The following INSYN2B variants were observed in gnomAD, a reference collection of about 807,000 sequenced individuals.
INSYN2B encodes the protein protein INSYN2B.
In INSYN2B, 16 loss-of-function variants were observed where a neutral mutation model predicts 41.2. The observed-to-expected ratio is 0.39, with a 90% CI of 0.26 to 0.59. The LOEUF (loss-of-function observed/expected upper bound fraction) is 0.59, where lower values mean the gene tolerates loss of function less well. INSYN2B is among the 20% of genes least tolerant of loss of function. The probability of loss-of-function intolerance (pLI) is 0.57; values close to 1 mark genes in which losing one functional copy is unlikely to be tolerated. For missense variants in INSYN2B, 608 were observed against 646.4 expected, an observed-to-expected ratio of 0.94 and a Z score of 0.64; for synonymous variants, 245 against 244.4, an observed-to-expected ratio of 1.00 and a Z score of -0.02.
At chr5:169,907,997 T>C (rs1032038654) in intron 1 of INSYN2B, among the ~76,000 whole-genome samples, 1 of 152,228 alleles carries the variant, frequency 6.6e-6, no homozygotes, top group Non-Finnish European at 1.5e-5. Flanking sequence ...TGAAGTGTTG[T>C]CTTTATCTCC....
chr5:169,921,394 G>A (rs992608349), intron 1 of INSYN2B, among the ~76,000 whole-genome samples: 36 of 152,256 alleles, frequency 2.4e-4, no homozygotes, highest in Non-Finnish European at 4.4e-4. Flanking sequence ...CAGAAAAATC[G>A]ATGAGTCTAG....
At chr5:169,912,189 T>A (rs403813) in intron 1 of INSYN2B, among the ~76,000 whole-genome samples, 3 of 152,188 alleles carry the variant, frequency 2.0e-5, no homozygotes, top group Non-Finnish European at 4.4e-5. Flanking sequence ...TTTTGTTTTG[T>A]CTTTCAGTTA....
At position 169,897,812 on chromosome 5, in the gene INSYN2B, AT is replaced by A. The variant is rs551157854; in HGVS notation, c.-918-12997del. Among the ~76,000 whole-genome samples the A allele has an allele frequency of 2.4e-3, 362 of 152,340 alleles. 1 individual carries two copies. The highest frequency in any genetic ancestry group is 8.5e-3 in the African/African-American group (354 of 41,586). On this transcript the variant is annotated intron_variant, in intron 1 of 3. Transcript: ENST00000377365. ...TAGAGAGCAAAGAGATGATTCCTTC[AT>A]CCCAGGATACTTTAATTTTCTCCAG...
intron 1 of INSYN2B, among the ~76,000 whole-genome samples, chr5:169,938,860 T>C (rs1338281290): frequency 6.6e-6 from 1 of 152,204 alleles, no homozygotes; most frequent in Non-Finnish European, 1.5e-5. Flanking sequence ...AAATATTTTC[T>C]TTCTTCATAT....
intron 1 of INSYN2B, among the ~76,000 whole-genome samples, chr5:169,904,091 CAAA>C (rs57983281): frequency 7.1e-5 from 5 of 70,386 alleles, no homozygotes; most frequent in Admixed American, 1.7e-4. Context: ...GACTTCGTCT[CAAA>C]AAAAAAAAAA....
chr5:169,895,344 G>C (rs915267965), intron 1 of INSYN2B, among the ~76,000 whole-genome samples: 1 of 151,998 alleles, frequency 6.6e-6, no homozygotes, highest in African/African-American at 2.4e-5. Flanking sequence ...ATGGTAGAGA[G>C]AACCACCCAG....
intron 1 of INSYN2B, among the ~76,000 whole-genome samples, chr5:169,898,513 G>GCA (rs374367406): frequency 5.5e-4 from 83 of 150,910 alleles, no homozygotes; most frequent in Non-Finnish European, 2.8e-4. Context: ...TCCTCTACAT[G>GCA]CACACACACA....
chr5:169,870,890 A>C (rs1771923228), intron 3 of INSYN2B, among the ~76,000 whole-genome samples: 1 of 144,050 alleles, frequency 6.9e-6, no homozygotes, highest in Admixed American at 7.3e-5. Flanking sequence ...AATACTACAG[A>C]CTGGGTGGCT....
At chr5:169,934,819 T>C in intron 1 of INSYN2B, 1 of 432,190 alleles carries the variant, frequency 2.3e-6, no homozygotes, top group Non-Finnish European at 4.7e-6. Flanking sequence ...GATAAATTGA[T>C]TGTAGTGTCA....
At chr5:169,930,654 G>A (rs1340615762) in intron 1 of INSYN2B, among the ~76,000 whole-genome samples, 1 of 152,194 alleles carries the variant, frequency 6.6e-6, no homozygotes, top group Admixed American at 6.5e-5. Context: ...GGCTGACAGG[G>A]AGCAATTAAG....
chr5:169,865,479 G>GA (rs1771488500), intron 3 of INSYN2B, among the ~76,000 whole-genome samples: 1 of 152,186 alleles, frequency 6.6e-6, no homozygotes, highest in African/African-American at 2.4e-5. Context: ...AGCCGGGGCA[G>GA]AAAAAACGAA....
intron 1 of INSYN2B, among the ~76,000 whole-genome samples, chr5:169,979,243 G>T (rs987661657): frequency 6.6e-6 from 1 of 152,170 alleles, no homozygotes; most frequent in Admixed American, 6.5e-5. Context: ...TTTGAACAAC[G>T]TCAGTGTTAG....
intron 1 of INSYN2B, among the ~76,000 whole-genome samples, chr5:169,917,643 C>T (rs570289814): frequency 1.3e-5 from 2 of 152,188 alleles, no homozygotes; most frequent in South Asian, 4.2e-4. Flanking sequence ...ACTAGAAAGT[C>T]CCAAAGGAAT....
chr5:169,910,978 A>G (rs1774563721), intron 1 of INSYN2B, among the ~76,000 whole-genome samples: 1 of 152,132 alleles, frequency 6.6e-6, no homozygotes, highest in African/African-American at 2.4e-5. Flanking sequence ...GGAAGTGAGA[A>G]TAATAAGTGA....
intron 1 of INSYN2B, among the ~76,000 whole-genome samples, chr5:169,978,470 A>G (rs1777814175): frequency 6.6e-6 from 1 of 151,006 alleles, no homozygotes; most frequent in Non-Finnish European, 1.5e-5. Flanking sequence ...GTACACTAAA[A>G]TTATTGGCAT....
rs147057309 is a variant in INSYN2B at position 169,944,774 on chromosome 5, C to T, written c.-919+35503G>A. Among the ~76,000 whole-genome samples the T allele has an allele frequency of 9.3e-3, 1,414 of 152,298 alleles. 23 individuals are homozygous for T. The highest frequency in any genetic ancestry group is 0.032 in the African/African-American group (1,340 of 41,560). On this transcript the variant is annotated intron_variant, in intron 1 of 3. Coordinates refer to ENST00000377365, the MANE Select transcript of INSYN2B (RefSeq NM_001129891.3). The stretch of plus-strand genomic sequence containing the variant: ...CCTTTCTGGAGAGCTCTAGAAGCAC[C>T]TTGTGCTGTTGTCTGTGATGATCGG...
chr5:169,885,342 A>G (rs1056389509), intron 1 of INSYN2B, among the ~76,000 whole-genome samples: 7 of 152,214 alleles, frequency 4.6e-5, no homozygotes, highest in Admixed American at 3.9e-4. Context: ...TAGGTGCTTA[A>G]GCAGAATTTG....
At chr5:169,974,719 G>A (rs975626927) in intron 1 of INSYN2B, among the ~76,000 whole-genome samples, 1 of 152,094 alleles carries the variant, frequency 6.6e-6, no homozygotes, top group African/African-American at 2.4e-5. Context: ...GTATTTTCCT[G>A]CACAGCCCTT....
At chr5:169,951,634 A>G (rs1450670899) in intron 1 of INSYN2B, among the ~76,000 whole-genome samples, 9 of 152,234 alleles carry the variant, frequency 5.9e-5, no homozygotes, top group Non-Finnish European at 1.2e-4. Context: ...GATATTGAGA[A>G]TAGCATTATG....
Sources: allele counts gnomAD v4.1 joint callset (sites outside exome capture counted in the v4.1 genomes callset), GRCh38; gene constraint gnomAD v4.1.1; transcripts MANE v1.5; gene names NCBI Gene and HGNC (gene_info 2026-07-23, HGNC 2026-07-21).